The following SLC13A3 variants were observed in gnomAD, a reference collection of about 807,000 sequenced individuals.
The protein encoded by SLC13A3 is solute carrier family 13 member 3.
In SLC13A3, 40 loss-of-function variants were observed where a neutral mutation model predicts 59.0. The ratio of observed to expected loss-of-function variants is 0.68; its 90% CI spans 0.53 to 0.88. SLC13A3 has a LOEUF of 0.88. Ranked by LOEUF, SLC13A3 falls within the 40% of genes least tolerant of loss-of-function variation. The pLI is 0.00. For synonymous variants in SLC13A3, 317 were observed against 330.3 expected, an observed-to-expected ratio of 0.96 and a Z score of 0.44; for missense variants, 699 against 783.2, an observed-to-expected ratio of 0.89 and a Z score of 1.28.
intron 8 of SLC13A3, among the ~76,000 whole-genome samples, chr20:46,586,449 A>T (rs2062192691): frequency 6.6e-6 from 1 of 152,072 alleles, no homozygotes; most frequent in South Asian, 2.1e-4. Flanking sequence ...CTACTTAAAC[A>T]CTTTCCATAG....
intron 4 of SLC13A3, among the ~76,000 whole-genome samples, chr20:46,597,657 G>A (rs757978390): frequency 4.6e-5 from 7 of 152,218 alleles, no homozygotes; most frequent in African/African-American, 7.2e-5. Flanking sequence ...GGCTGGTCTC[G>A]AACTCCTCAC....
At chr20:46,635,348 A>G (rs898787262) in intron 1 of SLC13A3, among the ~76,000 whole-genome samples, 4 of 152,152 alleles carry the variant, frequency 2.6e-5, no homozygotes, top group Non-Finnish European at 5.9e-5. Context: ...AACCCAAGAG[A>G]AACCCTCTAC....
chr20:46,589,078 TG>T, intron 7 of SLC13A3, 81 bp downstream of exon 7: 1 of 1,249,166 alleles, frequency 8.0e-7, no homozygotes, highest in African/African-American at 1.5e-5. Context: ...TCAGCCCCCA[TG>T]GGCCCAAGGC....
At chr20:46,584,180 T>C (rs2146114859) in intron 8 of SLC13A3, 3 of 985,312 alleles carry the variant, frequency 3.0e-6, no homozygotes, top group Non-Finnish European at 3.6e-6. Flanking sequence ...ATGTGTCCTT[T>C]AGGGGAGTTT....
At chr20:46,659,233 T>C (rs902106941) in intron 1 of SLC13A3, among the ~76,000 whole-genome samples, 1 of 152,226 alleles carries the variant, frequency 6.6e-6, no homozygotes, top group Non-Finnish European at 1.5e-5. Context: ...TCTTTGTTCC[T>C]CTCTTCCTCC....
chr20:46,675,250 G>A (rs1170657893), intron 1 of SLC13A3, among the ~76,000 whole-genome samples: 3 of 151,860 alleles, frequency 2.0e-5, no homozygotes, highest in Admixed American at 1.3e-4. Flanking sequence ...GTTTTTAGGA[G>A]ATGGAGTCTC....
chr20:46,605,329 G>A (rs1187784339), intron 3 of SLC13A3, among the ~76,000 whole-genome samples: 1 of 152,112 alleles, frequency 6.6e-6, no homozygotes, highest in African/African-American at 2.4e-5. Flanking sequence ...CATTTACACA[G>A]GATCCACCCC....
At chr20:46,563,681 A>T (rs528689333) in intron 11 of SLC13A3, 130 bp from the exon 12 acceptor site, 29 of 976,792 alleles carry the variant, frequency 3.0e-5, no homozygotes, top group Admixed American at 5.8e-5. Flanking sequence ...AGACAAAGAC[A>T]TCCATAGAGA....
intron 10 of SLC13A3, among the ~76,000 whole-genome samples, chr20:46,568,069 A>G (rs2061995477): frequency 6.6e-6 from 1 of 152,156 alleles, no homozygotes; most frequent in Admixed American, 6.5e-5. Flanking sequence ...CTGCTTACTC[A>G]GAACTTAAAA....
intron 1 of SLC13A3, among the ~76,000 whole-genome samples, chr20:46,662,795 T>A (rs1165276030): frequency 6.6e-6 from 1 of 152,256 alleles, no homozygotes. Context: ...GAAGAATTTT[T>A]TCTTTGTTGT....
intron 1 of SLC13A3, among the ~76,000 whole-genome samples, chr20:46,622,595 C>T (rs1439227679): frequency 6.7e-6 from 1 of 150,280 alleles, no homozygotes; most frequent in Non-Finnish European, 1.5e-5. Flanking sequence ...TCCTCTAACT[C>T]AACAGGAATT....
At position 46,666,449 on chromosome 20, in the gene SLC13A3, TGTTTTG is replaced by T. The variant is rs1362386298; in HGVS notation, c.-31+3588_-31+3593del. ...TTTTGACTGAAAGAGAGTGATTTTT[TGTTTTG>T]GTTTTGGTTTTGTTGCTTTGTTGTT... On this transcript the variant is annotated intron_variant, in intron 1 of 12. Transcript: ENST00000290317. Among the ~76,000 whole-genome samples, 5 of 151,528 alleles carry T rather than the reference TGTTTTG, an allele frequency of 3.3e-5. No homozygotes were observed. The East Asian group carries it at 7.8e-4, about 24-fold the overall frequency.
Position 46,560,081 on chromosome 20 carries a change from A to C in SLC13A3, c.1750T>G (p.Ser584Ala), listed in dbSNP as rs952916941. 2 of 1,614,156 alleles carry C rather than the reference A, an allele frequency of 1.2e-6. No homozygotes were observed. Among genetic ancestry groups the C allele is most frequent in the Non-Finnish European group, 1.7e-6 (2 of 1,180,024 alleles). The change falls in exon 13 of 13, where the codon TCG (serine) becomes GCG (alanine). Residue 584 changes from serine (S) to alanine (A), a missense_variant. By Grantham distance (99) the Ser-to-Ala change is moderately conservative. Coordinates refer to ENST00000279027, the MANE Select transcript of SLC13A3 (RefSeq NM_022829.6). ...GTFPDWADMY[S>A]VNVTALPPTL... ...GGTGGCAATGCTGTGACATTGACCGAGTACATATCAGCCCAGTCCGGGAAG... is the reference window on the plus strand; with the variant it reads ...GGTGGCAATGCTGTGACATTGACCGCGTACATATCAGCCCAGTCCGGGAAG...
At chr20:46,633,661 T>C (rs1338867432) in intron 1 of SLC13A3, among the ~76,000 whole-genome samples, 4 of 152,232 alleles carry the variant, frequency 2.6e-5, no homozygotes, top group Non-Finnish European at 4.4e-5. Context: ...CACCAGACAC[T>C]GTTTGGCAAT....
chr20:46,643,349 T>C (rs2062862983), intron 1 of SLC13A3, among the ~76,000 whole-genome samples: 1 of 152,178 alleles, frequency 6.6e-6, no homozygotes, highest in South Asian at 2.1e-4. Flanking sequence ...GGTCTAAAGA[T>C]AGGGGCAGGG....
At chr20:46,569,235 C>T (rs1030043786) in intron 10 of SLC13A3, among the ~76,000 whole-genome samples, 5 of 152,224 alleles carry the variant, frequency 3.3e-5, no homozygotes, top group African/African-American at 1.2e-4. Context: ...AAGCGATCCT[C>T]CTGCCTAGGC....
intron 1 of SLC13A3, among the ~76,000 whole-genome samples, chr20:46,642,681 A>G (rs2062856186): frequency 6.6e-6 from 1 of 152,202 alleles, no homozygotes; most frequent in Non-Finnish European, 1.5e-5. Context: ...AAAGCCAACC[A>G]GAGACAAGAA....
intron 3 of SLC13A3, chr20:46,609,126 C>T: frequency 6.7e-7 from 1 of 1,481,936 alleles, no homozygotes; most frequent in Admixed American, 2.5e-5. Flanking sequence ...TGTATCAATT[C>T]AAATCTTCCT....
chr20:46,651,938 G>C (rs1023073887), upstream of SLC13A3, among the ~76,000 whole-genome samples: 2 of 152,150 alleles, frequency 1.3e-5, no homozygotes, highest in African/African-American at 4.8e-5. Flanking sequence ...TTTTTTGCGG[G>C]AACATGGATG....
Sources: gnomAD v4.1 joint callset for allele counts (sites outside exome capture counted in the v4.1 genomes callset) on GRCh38, gnomAD v4.1.1 for gene constraint, MANE v1.5 for transcripts, NCBI Gene and HGNC (gene_info 2026-07-23, HGNC 2026-07-21) for gene names.